The following CDH13 variants were observed in gnomAD, a reference collection of about 807,000 sequenced individuals.
The protein encoded by CDH13 is cadherin-13.
Under a neutral mutation model 63.8 loss-of-function variants are expected in CDH13, and 24 were observed. The observed-to-expected ratio is 0.38, with a 90% CI of 0.27 to 0.53. The LOEUF is 0.53. Ranked by LOEUF, CDH13 falls within the 20% of genes least tolerant of loss-of-function variation. The probability of loss-of-function intolerance (pLI) is 0.85; values close to 1 mark genes in which losing one functional copy is unlikely to be tolerated. For synonymous variants in CDH13, 503 were observed against 355.3 expected (o/e 1.42, Z -4.67); for missense variants, 1,049 against 903.1 (o/e 1.16, Z -2.07).
In CDH13 at chr16:83,047,897, C is replaced by T. The variant is rs987604243; in HGVS notation, c.366+15679C>T. On this transcript the variant is annotated intron_variant, in intron 3 of 13. Coordinates refer to ENST00000567109, the MANE Select transcript of CDH13 (RefSeq NM_001257.5). This position sits in a 1 kb window ranked among gnomAD's most constrained non-coding sequence, Gnocchi z 4.9. ...CATTTTACAGGTGAATAAAGGAAGA[C>T]GGGGAGACTATGTGTGACCAGCACA... Among the ~76,000 whole-genome samples, 4 of 152,148 alleles carry T rather than the reference C, an allele frequency of 2.6e-5. No individual in the cohort carries two copies. The highest frequency in any genetic ancestry group is 6.5e-5 in the Admixed American group (1 of 15,284).
At chr16:83,662,325 C>G (rs1446531986) in intron 8 of CDH13, among the ~76,000 whole-genome samples, 1 of 152,198 alleles carries the variant, frequency 6.6e-6, no homozygotes, top group Non-Finnish European at 1.5e-5. Context: ...TAGGTACTCT[C>G]TCTTTGCATG....
intron 7 of CDH13, among the ~76,000 whole-genome samples, chr16:83,561,784 T>C (rs2075713706): frequency 6.6e-6 from 1 of 152,208 alleles, no homozygotes; most frequent in Non-Finnish European, 1.5e-5. Flanking sequence ...ATTGCTGTAG[T>C]GGTATCATCA....
chr16:83,524,272 C>G (rs1336600640), intron 7 of CDH13, among the ~76,000 whole-genome samples: 2 of 151,782 alleles, frequency 1.3e-5, no homozygotes, highest in Non-Finnish European at 2.9e-5. Context: ...CATACCAGGC[C>G]CAGTGAAGGA....
chr16:83,344,401 C>G (rs910079246), intron 5 of CDH13, among the ~76,000 whole-genome samples: 5 of 152,186 alleles, frequency 3.3e-5, no homozygotes, highest in African/African-American at 1.2e-4. Context: ...GGAAAGCCCC[C>G]AACAAATACT....
chr16:82,780,065 A>G (rs2035680367), intron 1 of CDH13, among the ~76,000 whole-genome samples: 1 of 152,168 alleles, frequency 6.6e-6, no homozygotes, highest in African/African-American at 2.4e-5. Flanking sequence ...AAACAAAACA[A>G]GCACAGCTGA....
chr16:83,604,052 C>T (rs535924148), intron 8 of CDH13, among the ~76,000 whole-genome samples: 4 of 152,102 alleles, frequency 2.6e-5, no homozygotes, highest in African/African-American at 7.2e-5. Context: ...ATCCAGTCAC[C>T]TCCCACCAGG....
At chr16:82,663,606 G>T (rs539937909) in intron 1 of CDH13, among the ~76,000 whole-genome samples, 2 of 152,180 alleles carry the variant, frequency 1.3e-5, no homozygotes, top group South Asian at 4.1e-4. Flanking sequence ...TGTCTAAAAA[G>T]TTCAAAAGCA....
chr16:83,132,854 T>C (rs1369868078), intron 4 of CDH13, among the ~76,000 whole-genome samples: 1 of 152,216 alleles, frequency 6.6e-6, no homozygotes, highest in Non-Finnish European at 1.5e-5. Flanking sequence ...AAAATTCTTC[T>C]TGAGATGAAC....
chr16:83,689,967 C>T (rs796758690), intron 10 of CDH13, among the ~76,000 whole-genome samples: 14 of 152,300 alleles, frequency 9.2e-5, no homozygotes, highest in African/African-American at 1.4e-4. Context: ...GGGTGGATCA[C>T]CTGAGGTCAG....
chr16:82,961,572 TAAAAAAAAAA>T (rs71376305), intron 2 of CDH13, among the ~76,000 whole-genome samples: 24 of 103,406 alleles, frequency 2.3e-4, no homozygotes, highest in African/African-American at 8.8e-4. Flanking sequence ...GCAGGGGACT[TAAAAAAAAAA>T]AAAAAAAAAA....
intron 3 of CDH13, among the ~76,000 whole-genome samples, chr16:83,090,565 C>T (rs983031891): frequency 4.0e-5 from 5 of 124,866 alleles, no homozygotes; most frequent in African/African-American, 1.8e-4. Context: ...CAAAGCGAAA[C>T]TGCATCTCAA....
intron 7 of CDH13, among the ~76,000 whole-genome samples, chr16:83,532,572 A>G (rs1284219560): frequency 6.6e-6 from 1 of 152,234 alleles, no homozygotes; most frequent in South Asian, 2.1e-4. Flanking sequence ...TAGCTTCTCC[A>G]TAAATATTTG....
intron 3 of CDH13, among the ~76,000 whole-genome samples, chr16:83,043,043 T>C (rs868188218): frequency 3.3e-5 from 5 of 152,186 alleles, no homozygotes; most frequent in African/African-American, 4.8e-5. Flanking sequence ...AGAAAATATA[T>C]AGCTTGAAAA....
At chr16:82,789,914 T>TG (rs765927055) in intron 1 of CDH13, among the ~76,000 whole-genome samples, 1 of 152,100 alleles carries the variant, frequency 6.6e-6, no homozygotes, top group East Asian at 1.9e-4. Flanking sequence ...ATCAGGGTGG[T>TG]GAGGCAATTA....
chr16:82,841,550 A>C (rs996655173), intron 1 of CDH13, among the ~76,000 whole-genome samples: 1 of 152,178 alleles, frequency 6.6e-6, no homozygotes, highest in African/African-American at 2.4e-5. Flanking sequence ...TAAATAACAC[A>C]CAGCCATGGT....
chr16:82,911,074 C>T (rs1478343840), intron 2 of CDH13, among the ~76,000 whole-genome samples: 2 of 152,144 alleles, frequency 1.3e-5, no homozygotes, highest in Admixed American at 6.5e-5. Flanking sequence ...GTAGCTCCCA[C>T]GATGGTGAGT....
At chr16:83,560,465 A>G (rs1005958776) in intron 7 of CDH13, among the ~76,000 whole-genome samples, 9 of 152,224 alleles carry the variant, frequency 5.9e-5, no homozygotes, top group Non-Finnish European at 1.2e-4. Context: ...CAGTGAATCT[A>G]AAATGGTCAA....
intron 3 of CDH13, among the ~76,000 whole-genome samples, chr16:83,100,202 C>A (rs1240968303): frequency 6.6e-6 from 1 of 152,146 alleles, no homozygotes; most frequent in Non-Finnish European, 1.5e-5. Context: ...AATTAAATCC[C>A]TGCCTCATGG....
chr16:82,933,723 A>T (rs964092651), intron 2 of CDH13, among the ~76,000 whole-genome samples: 1 of 152,232 alleles, frequency 6.6e-6, no homozygotes, highest in African/African-American at 2.4e-5. Context: ...GCATTGGGTA[A>T]ATATGCTCAT....
Sources: allele counts gnomAD v4.1 joint callset (sites outside exome capture counted in the v4.1 genomes callset), GRCh38; gene constraint gnomAD v4.1.1; non-coding constraint Gnocchi (gnomAD v3.1); transcripts MANE v1.5; gene names NCBI Gene and HGNC (gene_info 2026-07-23, HGNC 2026-07-21).